VDAC1: variants seen among roughly 807,000 people sequenced by gnomAD.
VDAC1 encodes the protein voltage dependent anion channel 1.
A neutral mutation model predicts 34.7 loss-of-function variants in VDAC1; 10 were observed. The ratio of observed to expected loss-of-function variants is 0.29; its 90% confidence interval spans 0.18 to 0.49. The LOEUF (loss-of-function observed/expected upper bound fraction) is 0.49. Ranked by LOEUF, VDAC1 falls within the 20% of genes least tolerant of loss-of-function variation. VDAC1 has a pLI of 0.99. For missense variants in VDAC1, 230 were observed against 347.9 expected (o/e 0.66, Z 2.69); for synonymous variants, 130 against 136.0 (o/e 0.96, Z 0.30).
the VDAC1 span, among the ~76,000 whole-genome samples, chr5:134,055,595 T>G: frequency 4.7e-5 from 2 of 42,500 alleles, no homozygotes; most frequent in East Asian, 6.6e-4. Flanking sequence ...AATGTTTTTT[T>G]TTTTTTTTTT....
At chr5:134,006,456 A>G (rs149700323), upstream of VDAC1, among the ~76,000 whole-genome samples, 340 of 152,154 alleles carry the variant, frequency 2.2e-3, 2 homozygotes, top group African/African-American at 7.8e-3. Context: ...TAAAGAACCA[A>G]TCTGGGCCGG....
intron 5 of VDAC1, among the ~76,000 whole-genome samples, chr5:133,989,419 G>C: frequency 6.6e-6 from 1 of 151,666 alleles, no homozygotes; most frequent in East Asian, 1.9e-4. Context: ...GAGTGCAGTG[G>C]TGCGATCTCA....
chr5:134,073,539 C>T, the VDAC1 span, among the ~76,000 whole-genome samples: 2 of 152,180 alleles, frequency 1.3e-5, no homozygotes, highest in Non-Finnish European at 2.9e-5. Flanking sequence ...GACCTCATCG[C>T]CAAACAAAAC....
the VDAC1 span, among the ~76,000 whole-genome samples, chr5:134,020,007 G>T: frequency 2.0e-5 from 3 of 152,012 alleles, no homozygotes; most frequent in African/African-American, 7.2e-5. Flanking sequence ...AAGCGTCCCT[G>T]CCTTTGTCCT....
At chr5:134,057,460 A>G in the VDAC1 span, among the ~76,000 whole-genome samples, 4 of 149,780 alleles carry the variant, frequency 2.7e-5, no homozygotes, top group Non-Finnish European at 5.9e-5. Flanking sequence ...AGCCTGGGCG[A>G]CAGAGTGAGG....
At chr5:134,079,481 C>G in the VDAC1 span, among the ~76,000 whole-genome samples, 1 of 151,858 alleles carries the variant, frequency 6.6e-6, no homozygotes, top group Admixed American at 6.5e-5. Context: ...AGTCTCCACT[C>G]GGGGTGGAGA....
the VDAC1 span, among the ~76,000 whole-genome samples, chr5:134,022,922 C>A: frequency 6.6e-6 from 1 of 152,142 alleles, no homozygotes. Flanking sequence ...GTGGCAATTC[C>A]TCAAGGATCT....
chr5:134,030,624 T>G, the VDAC1 span, among the ~76,000 whole-genome samples: 1 of 146,480 alleles, frequency 6.8e-6, no homozygotes. Flanking sequence ...TGAGATGGAG[T>G]CTCACTCTGT....
chr5:134,094,827 T>C, the VDAC1 span, among the ~76,000 whole-genome samples: 46 of 152,152 alleles, frequency 3.0e-4, no homozygotes, highest in Non-Finnish European at 5.1e-4. Context: ...ACAGCTGCCA[T>C]GTCCAGGGCA....
At chr5:134,087,924 CA>C in the VDAC1 span, among the ~76,000 whole-genome samples, 1 of 151,342 alleles carries the variant, frequency 6.6e-6, no homozygotes, top group Non-Finnish European at 1.5e-5. Flanking sequence ...CCAAGGCGGG[CA>C]GGTCACCTGA....
chr5:134,001,286 A>C (rs1753541212), intron 1 of VDAC1, among the ~76,000 whole-genome samples: 1 of 152,192 alleles, frequency 6.6e-6, no homozygotes, highest in African/African-American at 2.4e-5. Flanking sequence ...TGACCTGTGA[A>C]ATGGAAACAC....
At chr5:134,044,286 C>G in the VDAC1 span, among the ~76,000 whole-genome samples, 5 of 152,230 alleles carry the variant, frequency 3.3e-5, no homozygotes. Flanking sequence ...GCTCCCAGCT[C>G]TTTCCGCCCT....
the VDAC1 span, among the ~76,000 whole-genome samples, chr5:134,014,040 A>C: frequency 6.6e-6 from 1 of 152,184 alleles, no homozygotes; most frequent in South Asian, 2.1e-4. Context: ...CTGTAATCCC[A>C]GCACTTTGGG....
At chr5:133,990,695 C>A (rs187693802) in intron 5 of VDAC1, among the ~76,000 whole-genome samples, 160 bp downstream of exon 5, 8 of 152,122 alleles carry the variant, frequency 5.3e-5, no homozygotes, top group African/African-American at 1.9e-4. Context: ...GATGTGGATA[C>A]GACCCCTGGG....
At chr5:134,042,548 C>T in the VDAC1 span, among the ~76,000 whole-genome samples, 1 of 152,104 alleles carries the variant, frequency 6.6e-6, no homozygotes. Flanking sequence ...CTCCAGAGTG[C>T]AGTGGTGCAA....
At chr5:133,973,941 G>T in intron 7 of VDAC1, 93 bp from the exon 8 acceptor site, 1 of 1,230,644 alleles carries the variant, frequency 8.1e-7, no homozygotes, top group South Asian at 1.4e-5. Context: ...AACCAACCTT[G>T]GACTTTAGAA....
the VDAC1 span, among the ~76,000 whole-genome samples, chr5:134,019,366 C>T: frequency 1.3e-5 from 2 of 152,006 alleles, no homozygotes; most frequent in African/African-American, 4.8e-5. Flanking sequence ...TTGCTTGAGC[C>T]CAGGAGTTCA....
At chr5:133,993,060 G>A in intron 1 of VDAC1, 42 bp from the exon 2 acceptor site, 1 of 1,555,998 alleles carries the variant, frequency 6.4e-7, no homozygotes, top group Middle Eastern at 2.0e-4. Flanking sequence ...TTGATAATTA[G>A]GGAAATTAGC....
intron 5 of VDAC1, among the ~76,000 whole-genome samples, chr5:133,990,346 A>G (rs1435002250): frequency 6.6e-6 from 1 of 152,220 alleles, no homozygotes; most frequent in Non-Finnish European, 1.5e-5. Flanking sequence ...CCCTGCTTCC[A>G]AATGTCACCC....
Sources: allele counts gnomAD v4.1 joint callset (sites outside exome capture counted in the v4.1 genomes callset), GRCh38; gene constraint gnomAD v4.1.1; transcripts MANE v1.5; gene names NCBI Gene and HGNC (gene_info 2026-07-23, HGNC 2026-07-21).